The following SLC5A11 variants were observed in gnomAD, a reference collection of about 807,000 sequenced individuals.
SLC5A11 encodes solute carrier family 5 member 11.
In SLC5A11, 48 loss-of-function variants were observed where a neutral mutation model predicts 69.8. The ratio of observed to expected loss-of-function variants is 0.69; its 90% CI spans 0.55 to 0.87. The LOEUF (loss-of-function observed/expected upper bound fraction) is 0.87. Ranked by LOEUF, SLC5A11 falls within the 40% of genes least tolerant of loss-of-function variation. The pLI is 0.00. For missense variants in SLC5A11, 784 were observed against 866.1 expected, an observed-to-expected ratio of 0.91 and a Z score of 1.19; for synonymous variants, 319 against 342.4, an observed-to-expected ratio of 0.93 and a Z score of 0.75.
At chr16:24,860,198 A>G (rs946104360) in intron 2 of SLC5A11, among the ~76,000 whole-genome samples, 2 of 152,120 alleles carry the variant, frequency 1.3e-5, no homozygotes, top group Admixed American at 1.3e-4. Context: ...GAGGCAGGAG[A>G]ATGGCATGAA....
chr16:24,891,014 G>A (rs369610204), exon 9 of SLC5A11: 22 of 1,614,164 alleles, frequency 1.4e-5, no homozygotes, highest in African/African-American at 5.3e-5. Context: ...CTGATCTCCC[G>A]TGGCCGGGGG....
intron 8 of SLC5A11, among the ~76,000 whole-genome samples, chr16:24,890,020 A>G (rs1479793575): frequency 1.3e-5 from 2 of 152,172 alleles, no homozygotes; most frequent in African/African-American, 4.8e-5. Flanking sequence ...CTCACTGGAA[A>G]ATCAACCCAC....
At chr16:24,899,385 CTT>C (rs1318600541) in intron 10 of SLC5A11, among the ~76,000 whole-genome samples, 1 of 151,862 alleles carries the variant, frequency 6.6e-6, no homozygotes, top group Non-Finnish European at 1.5e-5. Flanking sequence ...GGTTGGGTAA[CTT>C]TGGCCCAGTG....
chr16:24,875,550 T>G, intron 5 of SLC5A11, 77 bp from the exon 7 acceptor site: 1 of 1,140,762 alleles, frequency 8.8e-7, no homozygotes, highest in Non-Finnish European at 1.3e-6. Context: ...CAGGAGCAGA[T>G]GGGAAGGGCT....
chr16:24,905,290 A>C (rs899503421), intron 10 of SLC5A11, among the ~76,000 whole-genome samples: 7 of 148,682 alleles, frequency 4.7e-5, no homozygotes, highest in African/African-American at 1.7e-4. Flanking sequence ...AAAAAAAAAA[A>C]AAAAAACCTG....
rs551810039 is a variant in SLC5A11, at chr16:24,908,997, G to A, written c.1551G>A (p.Lys517=). Residue 517 remains lysine (K), a synonymous_variant, in exon 14 of 16, where the codon AAG becomes AAA. Coordinates refer to ENST00000347898, the Ensembl canonical transcript of SLC5A11. Reference sequence around the variant, plus strand: ...CAGATGAGCGCCCGGTCCTGGTGAAGAGCATTCACTACCTCTACTTCTCCA... The same window carrying A: ...CAGATGAGCGCCCGGTCCTGGTGAAAAGCATTCACTACCTCTACTTCTCCA... 1.6e-4 allele frequency: 252 copies of A among 1,614,124 alleles called. 1 individual carries two copies. The South Asian group carries it at 2.6e-3, about 16-fold the overall frequency.
At chr16:24,866,090 A>G (rs765307964) in intron 3 of SLC5A11, among the ~76,000 whole-genome samples, 8 of 149,074 alleles carry the variant, frequency 5.4e-5, no homozygotes, top group Admixed American at 1.4e-4. Flanking sequence ...GGCATACTAG[A>G]TAATATCTAG....
intron 8 of SLC5A11, among the ~76,000 whole-genome samples, chr16:24,889,417 G>C (rs1334746548): frequency 6.6e-6 from 1 of 152,038 alleles, no homozygotes; most frequent in Non-Finnish European, 1.5e-5. Context: ...AGGAGTTCAA[G>C]GTTACAGTGA....
chr16:24,884,576 C>T (rs2048278114), intron 8 of SLC5A11, among the ~76,000 whole-genome samples: 1 of 144,826 alleles, frequency 6.9e-6, no homozygotes, highest in South Asian at 2.2e-4. Flanking sequence ...ATCTCAAACT[C>T]CTGGCCTCAA....
chr16:24,869,163 C>T (rs1044500344), intron 3 of SLC5A11, among the ~76,000 whole-genome samples: 1 of 152,002 alleles, frequency 6.6e-6, no homozygotes, highest in Non-Finnish European at 1.5e-5. Context: ...CCAGAGCGCC[C>T]GGCTGGACCT....
chr16:24,870,832 C>T (rs1381848637), intron 4 of SLC5A11, among the ~76,000 whole-genome samples: 2 of 148,854 alleles, frequency 1.3e-5, no homozygotes, highest in Admixed American at 1.3e-4. Context: ...GGCTCAGATT[C>T]CTGTCCTAGA....
intron 5 of SLC5A11, among the ~76,000 whole-genome samples, chr16:24,873,272 A>C (rs190775151): frequency 6.8e-6 from 1 of 148,004 alleles, no homozygotes; most frequent in African/African-American, 2.5e-5. Context: ...GAAGGAAGGA[A>C]GGAAGGAAGG....
chr16:24,870,050 A>G, intron 4 of SLC5A11, 45 bp downstream of exon 5: 42 of 1,305,664 alleles, frequency 3.2e-5, no homozygotes, highest in Non-Finnish European at 4.0e-5. Context: ...ACCTCTACCT[A>G]ACAGGTAGAT....
chr16:24,884,047 C>G lies in SLC5A11; in HGVS notation c.584-4C>G. The stretch of plus-strand genomic sequence containing the variant: ...GACCCTCACCTCCGTGCTCATCCCA[C>G]CAGGTGGCCTGGCTGCTGTGATCTA... On this transcript the variant is annotated splice_region_variant and splice_polypyrimidine_tract_variant and intron_variant, in intron 7 of 15. Coordinates refer to ENST00000347898, the Ensembl canonical transcript of SLC5A11. 6.2e-7 allele frequency: 1 copy of G among 1,603,178 alleles called. No homozygotes were observed. Among genetic ancestry groups the G allele is most frequent in the South Asian group, 1.1e-5 (1 of 90,372 alleles).
chr16:24,871,752 GGCACTGATAT>G (rs1442602510), intron 4 of SLC5A11, among the ~76,000 whole-genome samples: 1 of 152,120 alleles, frequency 6.6e-6, no homozygotes, highest in Non-Finnish European at 1.5e-5. Flanking sequence ...CACTTAGTGA[GGCACTGATAT>G]GCCCATTTTC....
chr16:24,897,893 C>A, intron 9 of SLC5A11, 81 bp from the exon 11 acceptor site: 1 of 1,536,618 alleles, frequency 6.5e-7, no homozygotes, highest in Non-Finnish European at 8.8e-7. Context: ...ATGGGAGCTA[C>A]AATTCAAGAT....
chr16:24,905,385 G>A (rs1341537785), intron 10 of SLC5A11, among the ~76,000 whole-genome samples: 5 of 151,496 alleles, frequency 3.3e-5, no homozygotes, highest in Non-Finnish European at 5.9e-5. Flanking sequence ...GGAAGTTGCA[G>A]TGAGCCGAGA....
At chr16:24,896,843 G>C (rs113052620) in intron 9 of SLC5A11, among the ~76,000 whole-genome samples, 68 of 151,788 alleles carry the variant, frequency 4.5e-4, no homozygotes, top group African/African-American at 1.2e-3. Flanking sequence ...GTTTCAAAGA[G>C]GCCTTCCCAT....
Position 24,894,002 on chromosome 16 carries a change from T to A in SLC5A11, c.870+2928T>A, listed in dbSNP as rs574925647. Reference sequence around the variant, plus strand: ...TTTCATCTAACAATAGCAGTGATGATGACAATGCCAATAATCACAACTGCT... The same window carrying A: ...TTTCATCTAACAATAGCAGTGATGAAGACAATGCCAATAATCACAACTGCT... On this transcript the variant is annotated intron_variant, in intron 9 of 15. Transcript: ENST00000347898. Among the ~76,000 whole-genome samples the A allele has an allele frequency of 2.0e-5, 3 of 152,322 alleles. No individual in the cohort carries two copies. In the South Asian group the frequency reaches 6.2e-4, roughly 32 times the overall value.
Sources: gnomAD v4.1 joint callset for allele counts (sites outside exome capture counted in the v4.1 genomes callset) on GRCh38, gnomAD v4.1.1 for gene constraint, MANE v1.5 for transcripts, NCBI Gene and HGNC (gene_info 2026-07-23, HGNC 2026-07-21) for gene names.